The following BLTP3B variants were observed in gnomAD, a reference collection of about 807,000 sequenced individuals.
The protein encoded by BLTP3B is UHRF1 (ICBP90) binding protein 1-like.
chr12:100,041,522 C>CGA, the BLTP3B span, among the ~76,000 whole-genome samples: 12 of 150,586 alleles, frequency 8.0e-5, no homozygotes, highest in African/African-American at 2.9e-4. Flanking sequence ...TTGCAACCAC[C>CGA]GCCTCCTGGG....
the BLTP3B span, among the ~76,000 whole-genome samples, chr12:100,134,093 G>T: frequency 6.6e-6 from 1 of 152,040 alleles, no homozygotes; most frequent in African/African-American, 2.4e-5. Flanking sequence ...TGCTGCCCAT[G>T]GAGGAGGACT....
At chr12:100,125,568 C>A in the BLTP3B span, among the ~76,000 whole-genome samples, 2 of 151,970 alleles carry the variant, frequency 1.3e-5, no homozygotes, top group Non-Finnish European at 2.9e-5. Flanking sequence ...GGATCACTTA[C>A]GCCTGGGAGG....
the BLTP3B span, among the ~76,000 whole-genome samples, chr12:100,080,209 A>C: frequency 6.6e-6 from 1 of 152,212 alleles, no homozygotes; most frequent in South Asian, 2.1e-4. Flanking sequence ...CCAGAAGGGT[A>C]GATCCACTGA....
At chr12:100,066,994 T>G in the BLTP3B span, among the ~76,000 whole-genome samples, 1 of 151,994 alleles carries the variant, frequency 6.6e-6, no homozygotes, top group Non-Finnish European at 1.5e-5. Context: ...AAGCACTCTC[T>G]CAGATGACAA....
chr12:100,048,710 A>T, the BLTP3B span, among the ~76,000 whole-genome samples: 1 of 141,168 alleles, frequency 7.1e-6, no homozygotes, highest in African/African-American at 2.6e-5. Context: ...AGGCAAACCA[A>T]AAACTGAAAT....
chr12:100,050,245 C>T, the BLTP3B span: 2 of 1,611,402 alleles, frequency 1.2e-6, no homozygotes, highest in Non-Finnish European at 1.7e-6. Flanking sequence ...CACTTGAAGA[C>T]AGATTTCTGT....
chr12:100,049,713 A>G, the BLTP3B span, among the ~76,000 whole-genome samples: 1 of 152,206 alleles, frequency 6.6e-6, no homozygotes, highest in Non-Finnish European at 1.5e-5. Context: ...AACAGCCACA[A>G]ATTGGTAATG....
chr12:100,072,934 T>C, the BLTP3B span: 13 of 1,041,840 alleles, frequency 1.2e-5, no homozygotes, highest in African/African-American at 2.0e-4. Flanking sequence ...TAATTTCCAG[T>C]GTAAACTTTA....
chr12:100,051,498 GAATT>G, the BLTP3B span: 7 of 257,546 alleles, frequency 2.7e-5, no homozygotes, highest in Admixed American at 1.0e-4. Flanking sequence ...CCATAAAAAT[GAATT>G]AATAGAAAAA....
chr12:100,062,723 A>G, the BLTP3B span, among the ~76,000 whole-genome samples: 1 of 152,146 alleles, frequency 6.6e-6, no homozygotes, highest in Non-Finnish European at 1.5e-5. Flanking sequence ...GCGCTTTGGG[A>G]GGCCAAAGTG....
At chr12:100,048,771 A>AGTGTGTGTGTGTGT in the BLTP3B span, among the ~76,000 whole-genome samples, 3 of 115,024 alleles carry the variant, frequency 2.6e-5, no homozygotes, top group African/African-American at 1.0e-4. Context: ...AGTGAGAGTG[A>AGTGTGTGTGTGTGT]GTGTGTGTGT....
the BLTP3B span, among the ~76,000 whole-genome samples, chr12:100,135,244 C>A: frequency 2.6e-5 from 4 of 151,166 alleles, no homozygotes; most frequent in Non-Finnish European, 5.9e-5. Flanking sequence ...TCTCTCAGGT[C>A]TCTTCTCAAA....
the BLTP3B span, among the ~76,000 whole-genome samples, chr12:100,120,097 CTGGGCG>C: frequency 6.6e-6 from 1 of 152,168 alleles, no homozygotes; most frequent in East Asian, 1.9e-4. Context: ...GGCAAAAGGC[CTGGGCG>C]TGGTGCCTCA....
chr12:100,093,179 G>T, the BLTP3B span, among the ~76,000 whole-genome samples: 2 of 152,170 alleles, frequency 1.3e-5, no homozygotes, highest in African/African-American at 4.8e-5. Context: ...TTTGCCAAAC[G>T]TTTAAAATCA....
chr12:100,063,477 T>A, the BLTP3B span, among the ~76,000 whole-genome samples: 1 of 151,848 alleles, frequency 6.6e-6, no homozygotes, highest in African/African-American at 2.4e-5. Flanking sequence ...GAGGTCAAGG[T>A]GGGTGGATCA....
the BLTP3B span, chr12:100,142,574 A>G: frequency 8.1e-6 from 13 of 1,607,090 alleles, no homozygotes; most frequent in Non-Finnish European, 1.1e-5. Flanking sequence ...TGGCGCCGAC[A>G]CCGAGGCGCT....
At chr12:100,128,143 A>G in the BLTP3B span, among the ~76,000 whole-genome samples, 5 of 152,210 alleles carry the variant, frequency 3.3e-5, no homozygotes, top group South Asian at 2.1e-4. Context: ...AAATCCCTCA[A>G]TGATGAATGA....
At chr12:100,107,557 C>A in the BLTP3B span, among the ~76,000 whole-genome samples, 1 of 151,700 alleles carries the variant, frequency 6.6e-6, no homozygotes, top group Non-Finnish European at 1.5e-5. Flanking sequence ...ATCGCTTGAA[C>A]CCGGGAGGCA....
At chr12:100,064,118 A>G in the BLTP3B span, among the ~76,000 whole-genome samples, 1 of 152,236 alleles carries the variant, frequency 6.6e-6, no homozygotes, top group Non-Finnish European at 1.5e-5. Flanking sequence ...ATAAATAGAC[A>G]CACTCATAGA....
Sources: allele counts gnomAD v4.1 joint callset (sites outside exome capture counted in the v4.1 genomes callset), GRCh38; gene constraint gnomAD v4.1.1; transcripts MANE v1.5; gene names NCBI Gene and HGNC (gene_info 2026-07-23, HGNC 2026-07-21).